Variants in RFC3 observed in about 807,000 individuals in gnomAD.
RFC3 encodes the protein A1 38 kDa subunit.
A neutral mutation model predicts 45.1 loss-of-function variants in RFC3; 41 were observed. The observed-to-expected ratio is 0.91, with a 90% CI of 0.71 to 1.18. The LOEUF (loss-of-function observed/expected upper bound fraction) is 1.18, where lower values mean the gene tolerates loss of function less well. Ranked by LOEUF, RFC3 falls within the 50% of genes most tolerant of loss-of-function variation. The probability of loss-of-function intolerance (pLI) is 0.00; values close to 1 mark genes in which losing one functional copy is unlikely to be tolerated. For synonymous variants in RFC3, 149 were observed against 144.0 expected, an observed-to-expected ratio of 1.03 and a Z score of -0.25; for missense variants, 423 against 428.1, an observed-to-expected ratio of 0.99 and a Z score of 0.10.
intron 8 of RFC3, chr13:33,846,235 C>G (rs2082235828): frequency 6.6e-6 from 1 of 152,272 alleles, no homozygotes. Context: ...CAGAACATCT[C>G]TGAGTCTCAC....
chr13:33,884,944 A>C (rs2082510429), intron 8 of RFC3, among the ~76,000 whole-genome samples: 1 of 152,214 alleles, frequency 6.6e-6, no homozygotes, highest in African/African-American at 2.4e-5. Flanking sequence ...TCTCATACCC[A>C]GGTCATTTCC....
chr13:33,916,046 G>A (rs1010992781), intron 8 of RFC3, among the ~76,000 whole-genome samples: 3 of 152,130 alleles, frequency 2.0e-5, no homozygotes, highest in African/African-American at 7.2e-5. Context: ...TGATCCACCA[G>A]CCTCAGCCAC....
chr13:33,949,171 G>A (rs940333135), intron 8 of RFC3, among the ~76,000 whole-genome samples: 1 of 152,056 alleles, frequency 6.6e-6, no homozygotes, highest in African/African-American at 2.4e-5. Context: ...CCCCCATGCT[G>A]CCCTCATGAT....
intron 8 of RFC3, among the ~76,000 whole-genome samples, chr13:33,949,224 G>A (rs1459858877): frequency 6.6e-6 from 1 of 152,036 alleles, no homozygotes; most frequent in African/African-American, 2.4e-5. Flanking sequence ...ATAAGTGCCT[G>A]GCATTTTCCC....
At chr13:33,976,577 T>A in the RFC3 span, among the ~76,000 whole-genome samples, 1 of 152,208 alleles carries the variant, frequency 6.6e-6, no homozygotes, top group Non-Finnish European at 1.5e-5. Flanking sequence ...CATAATGTTC[T>A]CATCACAAAG....
At chr13:33,831,846 A>G in intron 7 of RFC3, among the ~76,000 whole-genome samples, 1 of 152,166 alleles carries the variant, frequency 6.6e-6, no homozygotes, top group East Asian at 1.9e-4. Flanking sequence ...TGTATATTGA[A>G]GATATTATTA....
chr13:33,878,538 G>A (rs939809402), intron 8 of RFC3, among the ~76,000 whole-genome samples: 7 of 152,096 alleles, frequency 4.6e-5, no homozygotes, highest in Admixed American at 6.6e-5. Context: ...GTGATGAGGA[G>A]CAGGTATGGG....
At chr13:33,836,036 T>C in intron 8 of RFC3, 68 bp from the exon 9 acceptor site, 1 of 1,447,400 alleles carries the variant, frequency 6.9e-7, no homozygotes, top group South Asian at 1.3e-5. Flanking sequence ...TTTTTGTGAA[T>C]GGGAGAAATA....
intron 8 of RFC3, chr13:33,849,085 CAGA>C (rs2082259569): frequency 1.3e-5 from 2 of 152,654 alleles, no homozygotes; most frequent in South Asian, 4.1e-4. Flanking sequence ...GGCAGACAGA[CAGA>C]TAGATAAACT....
At chr13:33,876,751 G>A (rs2082449775) in intron 8 of RFC3, among the ~76,000 whole-genome samples, 1 of 152,160 alleles carries the variant, frequency 6.6e-6, no homozygotes, top group Non-Finnish European at 1.5e-5. Context: ...CTACTCTTGG[G>A]TTTGCCTTAA....
chr13:33,942,480 A>G (rs2082930886), intron 8 of RFC3, among the ~76,000 whole-genome samples: 1 of 152,074 alleles, frequency 6.6e-6, no homozygotes, highest in Non-Finnish European at 1.5e-5. Flanking sequence ...AACATTCCAT[A>G]CTTTTTAATT....
At chr13:33,932,808 T>G (rs1485406943) in intron 8 of RFC3, among the ~76,000 whole-genome samples, 1 of 152,190 alleles carries the variant, frequency 6.6e-6, no homozygotes. Flanking sequence ...CATATAAGTT[T>G]TAAACAGTGA....
intron 7 of RFC3, among the ~76,000 whole-genome samples, chr13:33,834,188 A>ATGTGG (rs2082128871): frequency 7.6e-6 from 1 of 132,046 alleles, no homozygotes; most frequent in Admixed American, 8.4e-5. Flanking sequence ...TTAAGATTTA[A>ATGTGG]TGTGCCAGGG....
intron 8 of RFC3, among the ~76,000 whole-genome samples, chr13:33,947,317 C>T (rs1173880900): frequency 6.6e-6 from 1 of 152,128 alleles, no homozygotes; most frequent in Non-Finnish European, 1.5e-5. Context: ...CACTTATTCT[C>T]CTGCTGCCCT....
At chr13:33,898,073 C>T (rs1358853597) in intron 8 of RFC3, among the ~76,000 whole-genome samples, 2 of 151,898 alleles carry the variant, frequency 1.3e-5, no homozygotes, top group Admixed American at 1.3e-4. Flanking sequence ...CTTTAACACC[C>T]CACTGTAATA....
intron 8 of RFC3, among the ~76,000 whole-genome samples, chr13:33,925,946 G>T (rs911157522): frequency 1.2e-4 from 18 of 151,918 alleles, no homozygotes; most frequent in African/African-American, 4.4e-4. Flanking sequence ...ACAAATGATA[G>T]AATTGCAATT....
At chr13:33,950,103 A>ACC (rs1157456291) in intron 8 of RFC3, among the ~76,000 whole-genome samples, 1 of 148,906 alleles carries the variant, frequency 6.7e-6, no homozygotes, top group East Asian at 1.9e-4. Context: ...ACACACACAC[A>ACC]CACCCCGTTA....
At position 33,823,937 on chromosome 13, in the gene RFC3, T is replaced by G. The variant is rs759281073; in HGVS notation, c.246T>G (p.Ile82Met). 3 of 1,566,178 alleles carry G rather than the reference T, an allele frequency of 1.9e-6. No homozygotes were observed. In the Admixed American group the frequency reaches 5.2e-5, roughly 27 times the overall value. Residue 82 changes from isoleucine to methionine, a missense_variant, in exon 3 of 9, where the codon ATT (isoleucine) becomes ATG (methionine). By Grantham distance (10) the Ile-to-Met change is conservative. Coordinates refer to ENST00000380071, the MANE Select transcript of RFC3 (RefSeq NM_002915.4). ...QTITTPSKKK[I>M]EISTIASNYH... ...CACAGACTCCATCTAAAAAAAAAAT[T>G]GAAATTAGCACCATTGCAAGTAACT...
At chr13:33,829,075 G>C (rs2139402447) in intron 4 of RFC3, among the ~76,000 whole-genome samples, 1 of 152,228 alleles carries the variant, frequency 6.6e-6, no homozygotes, top group South Asian at 2.1e-4. Flanking sequence ...ATCTTTAGTT[G>C]TTCTGTTTAT....
Sources: allele counts gnomAD v4.1 joint callset (sites outside exome capture counted in the v4.1 genomes callset), GRCh38; gene constraint gnomAD v4.1.1; transcripts MANE v1.5; gene names NCBI Gene and HGNC (gene_info 2026-07-23, HGNC 2026-07-21).